FAM184B: variants seen among roughly 807,000 people sequenced by gnomAD.
FAM184B encodes protein FAM184B.
FAM184B carries 111 observed loss-of-function variants against 135.9 expected under a neutral mutation model. The observed-to-expected ratio is 0.82, with a 90% CI of 0.70 to 0.96. FAM184B has a LOEUF of 0.96. Ranked by LOEUF, FAM184B falls within the 40% of genes least tolerant of loss-of-function variation. The pLI, the probability that FAM184B is intolerant of heterozygous loss-of-function variation, is 0.00. For synonymous variants in FAM184B, 552 were observed against 524.8 expected (o/e 1.05, Z -0.71); for missense variants, 1,375 against 1,323.9 (o/e 1.04, Z -0.60).
chr4:17,739,520 C>T (rs927480774), intron 1 of FAM184B, among the ~76,000 whole-genome samples: 7 of 144,826 alleles, frequency 4.8e-5, no homozygotes, highest in African/African-American at 1.5e-4. Flanking sequence ...TAACAAGAGC[C>T]TGGCTGGCTC....
intron 7 of FAM184B, 31 bp from the exon 8 acceptor site, chr4:17,664,690 A>G: frequency 6.6e-7 from 1 of 1,508,448 alleles, no homozygotes; most frequent in Admixed American, 2.2e-5. Flanking sequence ...GAAAAAAAAA[A>G]AAAAGGCAAG....
chr4:17,664,667 CAAAAAA>C lies in FAM184B; in HGVS notation c.1597-14_1597-9del, dbSNP rs766424060. 547 of 1,319,748 alleles carry C rather than the reference CAAAAAA, an allele frequency of 4.1e-4. 3 individuals are homozygous for C. In the East Asian group the frequency reaches 0.015, roughly 35 times the overall value. 81.8% of individuals were successfully genotyped at this position (1,319,748 alleles called of 1,614,324 possible). A position where few individuals can be genotyped will look rare whatever the true frequency, so the allele number is the denominator to read the frequency against. On this transcript the variant is annotated splice_polypyrimidine_tract_variant and intron_variant, in intron 7 of 17. Coordinates refer to ENST00000265018, the MANE Select transcript of FAM184B (RefSeq NM_015688.2). Reference sequence around the variant, plus strand: ...CAGCTTCAAGCATGGATCCTAAGGCCAAAAAAGAAAAAGAAAAAAAAAAAAAAGGCA... The same window carrying C: ...CAGCTTCAAGCATGGATCCTAAGGCCGAAAAAGAAAAAAAAAAAAAAGGCA...
Position 17,642,043 on chromosome 4 carries a change from C to A in FAM184B, c.2519+13G>T, listed in dbSNP as rs1426658865. ...GAGGGTGGCGCGGTGGCGGGGCGCG[C>A]CGGGTCACCCACCTGCGCTGGTCTC... On this transcript the variant is annotated intron_variant, in intron 13 of 17. Transcript: ENST00000265018. 6.6e-7 allele frequency: 1 copy of A among 1,521,110 alleles called. No homozygotes were observed. The highest frequency in any genetic ancestry group is 2.5e-5 in the East Asian group (1 of 39,472). The allele number at this position is 1,521,110 out of a possible 1,614,324, so 94.2% of individuals were successfully genotyped here. A position where few individuals can be genotyped will look rare whatever the true frequency, so the allele number is the denominator to read the frequency against.
intron 15 of FAM184B, among the ~76,000 whole-genome samples, chr4:17,635,672 C>CT (rs1359097245): frequency 4.8e-5 from 4 of 83,786 alleles, no homozygotes; most frequent in Admixed American, 1.4e-4. Context: ...ATAAGGATTA[C>CT]TTTAAAAAAA....
chr4:17,654,193 C>CCTT (rs1268698136), intron 10 of FAM184B, among the ~76,000 whole-genome samples: 11 of 138,314 alleles, frequency 8.0e-5, no homozygotes, highest in African/African-American at 2.9e-4. Flanking sequence ...ATAGTTTCTG[C>CCTT]TTTTTTTTTT....
At chr4:17,695,050 T>C (rs1716823505) in intron 5 of FAM184B, among the ~76,000 whole-genome samples, 1 of 152,154 alleles carries the variant, frequency 6.6e-6, no homozygotes, top group Non-Finnish European at 1.5e-5. Context: ...CTAGACTAGA[T>C]GAGGTTTGAG....
intron 13 of FAM184B, 21 bp downstream of exon 13, chr4:17,642,035 G>A (rs1205370177): frequency 4.6e-6 from 7 of 1,515,136 alleles, no homozygotes; most frequent in South Asian, 1.2e-5. Flanking sequence ...GCGCGGTGGC[G>A]GGGCGCGCCG....
At chr4:17,660,914 A>T (rs1037464138) in intron 8 of FAM184B, among the ~76,000 whole-genome samples, 3 of 152,198 alleles carry the variant, frequency 2.0e-5, no homozygotes, top group African/African-American at 7.2e-5. Context: ...GGCTGTGAGA[A>T]AAGGCCATGA....
intron 1 of FAM184B, among the ~76,000 whole-genome samples, chr4:17,740,033 C>G (rs1717996752): frequency 6.6e-6 from 1 of 152,108 alleles, no homozygotes; most frequent in African/African-American, 2.4e-5. Context: ...TGCATAGTGT[C>G]TGGCACAAAA....
At chr4:17,646,902 G>A (rs1715482201) in intron 12 of FAM184B, among the ~76,000 whole-genome samples, 2 of 152,026 alleles carry the variant, frequency 1.3e-5, no homozygotes, top group African/African-American at 4.8e-5. Context: ...TGAGCAGGAA[G>A]AGGAAAGAGA....
chr4:17,669,594 G>A lies in FAM184B; in HGVS notation c.1597-4935C>T, dbSNP rs541209238. 1.6e-4 allele frequency among the ~76,000 whole-genome samples: 24 copies of A among 152,308 alleles called. No homozygotes were observed. In the South Asian group the frequency reaches 2.9e-3, roughly 18 times the overall value. ...AATAAGACCAGTAGCTAGGACAAAC[G>A]TGAACTGGCTAAGTTCTACATGGAG... On this transcript the variant is annotated intron_variant, in intron 7 of 17. Coordinates refer to ENST00000265018, the MANE Select transcript of FAM184B (RefSeq NM_015688.2).
intron 13 of FAM184B, among the ~76,000 whole-genome samples, chr4:17,640,526 CA>C (rs1715280607): frequency 6.6e-6 from 1 of 150,684 alleles, no homozygotes; most frequent in South Asian, 2.1e-4. Context: ...AGTCAAGGCT[CA>C]AAGCAATTTT....
At chr4:17,695,777 G>C (rs997203802) in intron 5 of FAM184B, among the ~76,000 whole-genome samples, 4 of 152,162 alleles carry the variant, frequency 2.6e-5, no homozygotes, top group Non-Finnish European at 4.4e-5. Context: ...TGTCAAGCTT[G>C]ATACATCTGT....
At chr4:17,773,706 T>A (rs1718868054) in intron 1 of FAM184B, among the ~76,000 whole-genome samples, 1 of 152,170 alleles carries the variant, frequency 6.6e-6, no homozygotes, top group South Asian at 2.1e-4. Flanking sequence ...GCCTCCTGAG[T>A]AGCTGGGATT....
At chr4:17,657,315 C>T (rs558281936) in intron 10 of FAM184B, among the ~76,000 whole-genome samples, 4 of 152,332 alleles carry the variant, frequency 2.6e-5, no homozygotes, top group African/African-American at 9.6e-5. Flanking sequence ...TCTTCCAGAG[C>T]CCTCAGTTCC....
chr4:17,740,963 C>T (rs1275670875), intron 1 of FAM184B, among the ~76,000 whole-genome samples: 1 of 152,104 alleles, frequency 6.6e-6, no homozygotes, highest in Non-Finnish European at 1.5e-5. Context: ...AAAAAAATAC[C>T]CACCCCCAGT....
At chr4:17,704,000 A>G (rs990568932) in intron 5 of FAM184B, among the ~76,000 whole-genome samples, 1 of 152,094 alleles carries the variant, frequency 6.6e-6, no homozygotes, top group African/African-American at 2.4e-5. Context: ...GTCTACAGTC[A>G]CACAGCTTGT....
chr4:17,710,012 C>T (rs938922198), intron 1 of FAM184B, among the ~76,000 whole-genome samples: 1 of 152,106 alleles, frequency 6.6e-6, no homozygotes, highest in Non-Finnish European at 1.5e-5. Context: ...GAATGCAAAT[C>T]CCGGAACAAA....
chr4:17,654,596 G>A (rs1354519258), intron 10 of FAM184B, among the ~76,000 whole-genome samples: 1 of 152,240 alleles, frequency 6.6e-6, no homozygotes, highest in African/African-American at 2.4e-5. Context: ...ATGAGTGATG[G>A]AGTCCAGGGC....
Sources: gnomAD v4.1 joint callset for allele counts (sites outside exome capture counted in the v4.1 genomes callset) on GRCh38, gnomAD v4.1.1 for gene constraint, MANE v1.5 for transcripts, NCBI Gene and HGNC (gene_info 2026-07-23, HGNC 2026-07-21) for gene names.